The following PTCHD4 variants were observed in gnomAD, a reference collection of about 807,000 sequenced individuals.
PTCHD4 encodes the protein patched domain-containing protein 4.
PTCHD4 carries 33 observed loss-of-function variants against 58.1 expected under a neutral mutation model. That is an observed-to-expected ratio of 0.57 (90% confidence interval 0.43 to 0.76). PTCHD4 has a LOEUF of 0.76. Ranked by LOEUF, PTCHD4 falls within the 30% of genes least tolerant of loss-of-function variation. The probability of loss-of-function intolerance (pLI) is 0.00; values close to 1 mark genes in which losing one functional copy is unlikely to be tolerated. For missense variants in PTCHD4, 1,058 were observed against 1,027.1 expected (o/e 1.03, Z -0.41); for synonymous variants, 478 against 409.6 (o/e 1.17, Z -2.02).
chr6:47,943,595 A>G (rs1766312311), intron 4 of PTCHD4, among the ~76,000 whole-genome samples: 1 of 152,132 alleles, frequency 6.6e-6, no homozygotes, highest in Admixed American at 6.6e-5. Context: ...ACAGTTTATC[A>G]GTGGTCAGCC....
rs768966986 is a variant in PTCHD4, at chr6:47,879,664, C to G, written c.1171G>C (p.Gly391Arg). 2 of 1,613,418 alleles carry G rather than the reference C, an allele frequency of 1.2e-6. No homozygotes were observed. The highest frequency in any genetic ancestry group is 1.7e-6 in the Non-Finnish European group (2 of 1,179,688). The change falls in exon 5 of 5, where the codon GGC becomes CGC. Residue 391 changes from glycine (G) to arginine (R), a missense_variant. By Grantham distance (125) the Gly-to-Arg change is moderately radical (BLOSUM62 -2). Coordinates refer to ENST00000339488, the MANE Select transcript of PTCHD4 (RefSeq NM_001384253.1). ...TGGTAGCGGTTTTGCTCTAGTTGGC[C>G]AGCAAAGACCAGACAGGAGCCAAAG... ...SFFGSCLVFA[G>R]QLEQNRYHSI...
At chr6:47,965,317 T>C (rs1419927767) in intron 4 of PTCHD4, among the ~76,000 whole-genome samples, 1 of 152,230 alleles carries the variant, frequency 6.6e-6, no homozygotes, top group East Asian at 1.9e-4. Context: ...AAATATCACC[T>C]GTAGATGTGA....
intron 4 of PTCHD4, among the ~76,000 whole-genome samples, chr6:47,970,747 G>A (rs537156760): frequency 3.3e-5 from 5 of 152,154 alleles, no homozygotes; most frequent in Admixed American, 1.3e-4. Context: ...GCAGGAAATT[G>A]GATTGAGTTT....
intron 4 of PTCHD4, among the ~76,000 whole-genome samples, chr6:47,943,760 T>C (rs1766319424): frequency 6.6e-6 from 1 of 152,074 alleles, no homozygotes; most frequent in Non-Finnish European, 1.5e-5. Flanking sequence ...ATCCACAATC[T>C]GTCCCTTCAG....
intron 4 of PTCHD4, chr6:47,900,720 T>C (rs961006395): frequency 2.6e-5 from 4 of 152,258 alleles, no homozygotes; most frequent in African/African-American, 9.6e-5. Flanking sequence ...GTTATTTTGT[T>C]GTCATAAAAT....
rs1390066294 is a variant in PTCHD4, at chr6:47,873,476, G to A, written c.*4827C>T. 2.0e-5 allele frequency among the ~76,000 whole-genome samples: 3 copies of A among 151,700 alleles called. No homozygotes were observed. The highest frequency in any genetic ancestry group is 4.2e-4 in the South Asian group (2 of 4,818). ...TAAACGTGATGGTGGATTAATCTTGGTCCTTTAGTTGATAAATCAAGGTAA... is the reference window on the plus strand; with the variant it reads ...TAAACGTGATGGTGGATTAATCTTGATCCTTTAGTTGATAAATCAAGGTAA... On this transcript the variant is annotated 3_prime_UTR_variant, in exon 5 of 5. Transcript: ENST00000339488.
In PTCHD4 at chr6:48,107,969, G is replaced by A. The variant is rs1582147645; in HGVS notation, c.-970+3080C>T. Among the ~76,000 whole-genome samples, 4 of 152,308 alleles carry A rather than the reference G, an allele frequency of 2.6e-5. No homozygotes were observed. In the East Asian group the frequency reaches 7.7e-4, roughly 29 times the overall value. On this transcript the variant is annotated intron_variant, in intron 1 of 4. Coordinates refer to ENST00000339488, the MANE Select transcript of PTCHD4 (RefSeq NM_001384253.1). ...GGAAACAACAGGTGCTGGAGAGGAT[G>A]TGGAGAAATAGGAACACTTTTACAC...
chr6:47,954,738 A>G (rs1354684377), intron 4 of PTCHD4, among the ~76,000 whole-genome samples: 2 of 152,144 alleles, frequency 1.3e-5, no homozygotes, highest in East Asian at 3.8e-4. Context: ...TATTCCTCCT[A>G]TATGTTTTTC....
chr6:48,110,631 C>CCACACA (rs367594403), intron 1 of PTCHD4, among the ~76,000 whole-genome samples: 41 of 139,322 alleles, frequency 2.9e-4, no homozygotes, highest in African/African-American at 9.6e-4. Context: ...GATGGTTTTA[C>CCACACA]CACACACACA....
chr6:48,038,945 G>A (rs1172026565), intron 3 of PTCHD4, among the ~76,000 whole-genome samples: 2 of 152,146 alleles, frequency 1.3e-5, no homozygotes, highest in Non-Finnish European at 2.9e-5. Flanking sequence ...TTATTCTGTA[G>A]GTGTGAATAT....
intron 3 of PTCHD4, among the ~76,000 whole-genome samples, chr6:48,046,266 T>C (rs771630811): frequency 6.6e-6 from 1 of 151,884 alleles, no homozygotes; most frequent in Non-Finnish European, 1.5e-5. Context: ...CATTTAAGTC[T>C]TCTTACATCA....
At chr6:47,990,530 G>A (rs1290437550) in intron 4 of PTCHD4, among the ~76,000 whole-genome samples, 1 of 152,152 alleles carries the variant, frequency 6.6e-6, no homozygotes, top group African/African-American at 2.4e-5. Context: ...TAAGTCTCAT[G>A]AGATCTGATG....
intron 1 of PTCHD4, among the ~76,000 whole-genome samples, chr6:48,109,620 C>G (rs1765820120): frequency 6.6e-6 from 1 of 151,916 alleles, no homozygotes; most frequent in African/African-American, 2.4e-5. Flanking sequence ...AGAAGGCAGC[C>G]TACAAATTGG....
rs1188840933 is a variant in PTCHD4, at chr6:47,874,417, C to T, written c.*3886G>A. Among the ~76,000 whole-genome samples, 3 of 151,612 alleles carry T rather than the reference C, an allele frequency of 2.0e-5. No individual in the cohort carries two copies. Among genetic ancestry groups the T allele is most frequent in the Admixed American group, 6.6e-5 (1 of 15,174 alleles). ...ATTAATAACAAAGCATGCATAGTGC[C>T]GTGCATTCATAACTATTTGGTCATA... is the stretch of plus-strand genomic sequence containing the variant. On this transcript the variant is annotated 3_prime_UTR_variant, in exon 5 of 5. Coordinates refer to ENST00000339488, the MANE Select transcript of PTCHD4 (RefSeq NM_001384253.1).
chr6:47,993,961 A>G (rs577794722), intron 4 of PTCHD4, among the ~76,000 whole-genome samples: 2 of 152,348 alleles, frequency 1.3e-5, no homozygotes, highest in South Asian at 4.1e-4. Context: ...CTTTTAAAGT[A>G]TAAGAGACAA....
chr6:47,901,995 A>G (rs1581851254), intron 4 of PTCHD4: 1 of 1,100,482 alleles, frequency 9.1e-7, no homozygotes, highest in Non-Finnish European at 1.2e-6. Flanking sequence ...AGCCTCACTC[A>G]TATTTCCCAC....
chr6:47,937,842 A>T (rs1445631618), intron 4 of PTCHD4, among the ~76,000 whole-genome samples: 1 of 152,116 alleles, frequency 6.6e-6, no homozygotes, highest in East Asian at 1.9e-4. Context: ...CAAGAAGGAG[A>T]CTTGATAGGC....
chr6:48,077,341 G>A (rs1469610723), intron 1 of PTCHD4, among the ~76,000 whole-genome samples: 1 of 152,156 alleles, frequency 6.6e-6, no homozygotes, highest in Non-Finnish European at 1.5e-5. Context: ...TAGCTTACAT[G>A]GCATCTTCTT....
chr6:48,102,417 CA>C (rs1765624459), intron 1 of PTCHD4, among the ~76,000 whole-genome samples: 1 of 152,202 alleles, frequency 6.6e-6, no homozygotes, highest in African/African-American at 2.4e-5. Flanking sequence ...CCAAAACGTC[CA>C]TTTTAACCTC....
Sources: allele counts gnomAD v4.1 joint callset (sites outside exome capture counted in the v4.1 genomes callset), GRCh38; gene constraint gnomAD v4.1.1; transcripts MANE v1.5; gene names NCBI Gene and HGNC (gene_info 2026-07-23, HGNC 2026-07-21).